The following PDE1C variants were observed in gnomAD, a reference collection of about 807,000 sequenced individuals.
PDE1C encodes dual specificity calcium/calmodulin-dependent 3',5'-cyclic nucleotide phosphodiesterase 1C.
Under a neutral mutation model 93.1 loss-of-function variants are expected in PDE1C, and 62 were observed. The observed-to-expected ratio is 0.67, with a 90% confidence interval of 0.54 to 0.82. PDE1C has a LOEUF of 0.82. PDE1C is among the 40% of genes least tolerant of loss of function. The pLI, the probability that PDE1C is intolerant of heterozygous loss-of-function variation, is 0.00. For missense variants in PDE1C, 742 were observed against 884.6 expected, an observed-to-expected ratio of 0.84 and a Z score of 2.04; for synonymous variants, 325 against 310.1, an observed-to-expected ratio of 1.05 and a Z score of -0.50.
At chr7:31,801,695 TAAAC>T (rs1173312046) in intron 16 of PDE1C, among the ~76,000 whole-genome samples, 4 of 151,528 alleles carry the variant, frequency 2.6e-5, no homozygotes, top group East Asian at 1.9e-4. Context: ...ATTCTCTTGA[TAAAC>T]AGACAACATT....
chr7:32,034,054 C>CTGTG (rs5883321), intron 2 of PDE1C, among the ~76,000 whole-genome samples: 9,866 of 148,444 alleles, frequency 0.066, 405 homozygotes, highest in Non-Finnish European at 0.09. Flanking sequence ...AGATGAGAGA[C>CTGTG]TGTGTGTGTG....
At position 31,756,346 on chromosome 7, in the gene PDE1C, TA is replaced by T. The variant is rs529504278; in HGVS notation, c.1961-2794del. On this transcript the variant is annotated intron_variant, in intron 17 of 17. Transcript: ENST00000396191. ...CTCCCAAAAATATATAACCCCATTC[TA>T]AAAATGAAGAATATCAAATAAATTC... Among the ~76,000 whole-genome samples the T allele has an allele frequency of 4.5e-3, 686 of 152,232 alleles. 6 individuals carry two copies. Among genetic ancestry groups the T allele is most frequent in the African/African-American group, 0.016 (660 of 41,536 alleles).
intron 2 of PDE1C, among the ~76,000 whole-genome samples, chr7:31,948,165 T>G (rs1806867904): frequency 6.6e-6 from 1 of 151,464 alleles, no homozygotes; most frequent in African/African-American, 2.4e-5. Flanking sequence ...CAACTTGACA[T>G]CTTTTCAAAC....
intron 1 of PDE1C, among the ~76,000 whole-genome samples, chr7:32,061,944 A>T (rs1794859841): frequency 6.6e-6 from 1 of 152,202 alleles, no homozygotes; most frequent in African/African-American, 2.4e-5. Flanking sequence ...ATTTGGCATC[A>T]TTCAGATATA....
At chr7:32,364,737 C>T (rs1784197424) in intron 1 of PDE1C, among the ~76,000 whole-genome samples, 1 of 152,232 alleles carries the variant, frequency 6.6e-6, no homozygotes, top group South Asian at 2.1e-4. Context: ...ACAGCCACCT[C>T]TGGAGTGTGC....
intron 1 of PDE1C, among the ~76,000 whole-genome samples, chr7:32,406,345 A>G (rs552384916): frequency 1.3e-5 from 2 of 152,286 alleles, no homozygotes; most frequent in Admixed American, 6.5e-5. Context: ...AAATCTTCCA[A>G]TACAATTCAC....
At chr7:31,806,798 T>G (rs983713034) in intron 16 of PDE1C, among the ~76,000 whole-genome samples, 1 of 151,896 alleles carries the variant, frequency 6.6e-6, no homozygotes, top group Non-Finnish European at 1.5e-5. Flanking sequence ...GGGATTGGTC[T>G]AGGGGTAGGG....
chr7:32,149,061 A>G (rs765124145), intron 3 of PDE1C, among the ~76,000 whole-genome samples: 3 of 152,174 alleles, frequency 2.0e-5, no homozygotes, highest in Non-Finnish European at 4.4e-5. Flanking sequence ...CAATTAAAGT[A>G]CCTTCAATTG....
chr7:32,254,789 T>C (rs1157909550), intron 1 of PDE1C, among the ~76,000 whole-genome samples: 1 of 152,064 alleles, frequency 6.6e-6, no homozygotes, highest in African/African-American at 2.4e-5. Flanking sequence ...CAAGGAGTTA[T>C]ACTCCACTCC....
intron 2 of PDE1C, among the ~76,000 whole-genome samples, chr7:32,038,640 G>A (rs1186171133): frequency 6.6e-6 from 1 of 152,118 alleles, no homozygotes; most frequent in Non-Finnish European, 1.5e-5. Flanking sequence ...TCCATGCTCT[G>A]AATGCTAGTG....
At chr7:31,867,382 A>T (rs759032069) in intron 6 of PDE1C, among the ~76,000 whole-genome samples, 1 of 151,984 alleles carries the variant, frequency 6.6e-6, no homozygotes, top group Non-Finnish European at 1.5e-5. Context: ...CCAGTTCCAC[A>T]CCTTCCAGTG....
At chr7:31,754,634 G>A (rs1055823902) in intron 17 of PDE1C, among the ~76,000 whole-genome samples, 2 of 152,200 alleles carry the variant, frequency 1.3e-5, no homozygotes, top group African/African-American at 2.4e-5. Flanking sequence ...AAAGAAGTCA[G>A]TCTGTAAAGG....
intron 2 of PDE1C, among the ~76,000 whole-genome samples, chr7:32,201,076 CAT>C (rs1266641161): frequency 2.6e-5 from 4 of 152,250 alleles, no homozygotes; most frequent in African/African-American, 9.6e-5. Flanking sequence ...AATCTGCACA[CAT>C]GTTAACAGCT....
intron 16 of PDE1C, among the ~76,000 whole-genome samples, chr7:31,776,381 G>A (rs541891437): frequency 1.1e-3 from 169 of 152,116 alleles, no homozygotes; most frequent in African/African-American, 3.9e-3. Flanking sequence ...TGCTAGTTTA[G>A]TGGGGTTTCT....
the PDE1C span, among the ~76,000 whole-genome samples, chr7:31,649,519 A>G: frequency 6.6e-6 from 1 of 152,346 alleles, no homozygotes; most frequent in African/African-American, 2.4e-5. Context: ...TTTTAGCTAG[A>G]CACATGGATG....
chr7:32,110,873 A>ATCTCACATTGAACATAC (rs1167512080), intron 3 of PDE1C, among the ~76,000 whole-genome samples: 2 of 152,324 alleles, frequency 1.3e-5, no homozygotes, highest in East Asian at 3.9e-4. Context: ...CCAGTAAAAT[A>ATCTCACATTGAACATAC]TCTCACATTG....
chr7:32,392,342 G>T (rs1784765340), intron 1 of PDE1C, among the ~76,000 whole-genome samples: 1 of 152,106 alleles, frequency 6.6e-6, no homozygotes, highest in Admixed American at 6.5e-5. Context: ...TTGCTTCGCT[G>T]GTAAATTTTA....
chr7:31,841,209 G>GTC lies in PDE1C; in HGVS notation c.981-3240_981-3239dup, dbSNP rs377551907. Among the ~76,000 whole-genome samples, 411 of 140,182 alleles carry GTC rather than the reference G, an allele frequency of 2.9e-3. 2 individuals are homozygous for GTC. The highest frequency in any genetic ancestry group is 8.5e-3 in the African/African-American group (319 of 37,388). The allele number at this position is 140,182 out of a possible 152,430, so 92.0% of individuals were successfully genotyped here. A position where few individuals can be genotyped will look rare whatever the true frequency, so the allele number is the denominator to read the frequency against. ...TGCTAGTGTCTCTCTCCCTCTCTCTGTCTCTCTCTCTCTCTCTCTATATAT... is the reference window on the plus strand; with the variant it reads ...TGCTAGTGTCTCTCTCCCTCTCTCTGTCTCTCTCTCTCTCTCTCTCTATATAT... On this transcript the variant is annotated intron_variant, in intron 9 of 17. Coordinates refer to ENST00000396191, the MANE Select transcript of PDE1C (RefSeq NM_001191057.4).
chr7:32,221,785 G>C (rs1806885946), intron 1 of PDE1C, among the ~76,000 whole-genome samples: 1 of 152,100 alleles, frequency 6.6e-6, no homozygotes, highest in African/African-American at 2.4e-5. Context: ...TTTTAAACCT[G>C]CCTAAGGAGA....
Sources: allele counts gnomAD v4.1 joint callset (sites outside exome capture counted in the v4.1 genomes callset), GRCh38; gene constraint gnomAD v4.1.1; transcripts MANE v1.5; gene names NCBI Gene and HGNC (gene_info 2026-07-23, HGNC 2026-07-21).